NAV2: variants seen among roughly 807,000 people sequenced by gnomAD.
NAV2 encodes helicase, APC down-regulated 1.
NAV2 carries 54 observed loss-of-function variants against 223.2 expected under a neutral mutation model. The observed-to-expected ratio is 0.24, with a 90% CI of 0.19 to 0.30. NAV2 has a LOEUF of 0.30. Ranked by LOEUF, NAV2 falls within the 10% of genes least tolerant of loss-of-function variation. The pLI is 1.00. For missense variants in NAV2, 2,806 were observed against 3,147.5 expected, an observed-to-expected ratio of 0.89 and a Z score of 2.60; for synonymous variants, 1,279 against 1,239.3, an observed-to-expected ratio of 1.03 and a Z score of -0.67.
At chr11:19,791,976 C>T (rs2057555127) in intron 1 of NAV2, among the ~76,000 whole-genome samples, 2 of 152,170 alleles carry the variant, frequency 1.3e-5, no homozygotes, top group African/African-American at 4.8e-5. Context: ...CAGTTTCTTC[C>T]ACCATCTCTG....
chr11:19,790,419 G>A (rs2057440037), intron 1 of NAV2, among the ~76,000 whole-genome samples: 1 of 152,170 alleles, frequency 6.6e-6, no homozygotes, highest in Non-Finnish European at 1.5e-5. Flanking sequence ...CAACACAGTT[G>A]TCTCTTATTA....
chr11:19,923,127 C>T (rs1463125397), intron 6 of NAV2, among the ~76,000 whole-genome samples: 1 of 152,154 alleles, frequency 6.6e-6, no homozygotes, highest in Non-Finnish European at 1.5e-5. Context: ...AAGGGCTCAT[C>T]TTCTTCTCCC....
At chr11:19,353,458 A>C (rs1199789973) in intron 1 of NAV2, among the ~76,000 whole-genome samples, 1 of 152,210 alleles carries the variant, frequency 6.6e-6, no homozygotes, top group Non-Finnish European at 1.5e-5. Context: ...ATAGAACTAG[A>C]GACCTGGGTT....
chr11:19,673,837 C>T (rs192943323), intron 1 of NAV2, among the ~76,000 whole-genome samples: 18 of 152,278 alleles, frequency 1.2e-4, no homozygotes, highest in Admixed American at 9.8e-4. Flanking sequence ...TCCTTTCAGG[C>T]CAGGGTGAGC....
intron 1 of NAV2, among the ~76,000 whole-genome samples, chr11:19,463,395 G>A (rs1852234170): frequency 6.6e-6 from 1 of 152,244 alleles, no homozygotes; most frequent in African/African-American, 2.4e-5. Flanking sequence ...GCCTGTGTCA[G>A]ACATGGTTAA....
At chr11:19,943,546 A>T (rs1210324001) in intron 8 of NAV2, among the ~76,000 whole-genome samples, 1 of 152,160 alleles carries the variant, frequency 6.6e-6, no homozygotes, top group Non-Finnish European at 1.5e-5. Context: ...CCATGCCAAG[A>T]ACGACCTAAG....
chr11:19,870,901 T>C (rs1051613306), intron 4 of NAV2, among the ~76,000 whole-genome samples: 1 of 152,134 alleles, frequency 6.6e-6, no homozygotes, highest in African/African-American at 2.4e-5. Context: ...GTATGCCATA[T>C]AAAGGTAAAA....
At chr11:20,035,320 A>G (rs2056243746) in intron 11 of NAV2, among the ~76,000 whole-genome samples, 1 of 152,176 alleles carries the variant, frequency 6.6e-6, no homozygotes, top group East Asian at 1.9e-4. Flanking sequence ...AGAAAAAAGA[A>G]AGAAAGAACC....
chr11:19,813,403 T>C (rs1447876313), intron 1 of NAV2, among the ~76,000 whole-genome samples: 2 of 152,180 alleles, frequency 1.3e-5, no homozygotes, highest in Non-Finnish European at 2.9e-5. Flanking sequence ...AGTGGGGGAA[T>C]GATTCCCCAG....
upstream of NAV2, among the ~76,000 whole-genome samples, chr11:19,709,435 A>G (rs564023297): frequency 1.3e-4 from 20 of 150,080 alleles, no homozygotes; most frequent in Admixed American, 5.3e-4. Flanking sequence ...CCAGCTACTC[A>G]GGAGGCTGAG....
At chr11:19,463,438 T>C (rs1471405821) in intron 1 of NAV2, among the ~76,000 whole-genome samples, 1 of 152,238 alleles carries the variant, frequency 6.6e-6, no homozygotes, top group Non-Finnish European at 1.5e-5. Flanking sequence ...CTGAGCTCAA[T>C]GTGCAACTTT....
intron 10 of NAV2, among the ~76,000 whole-genome samples, chr11:19,968,895 CT>C (rs1378482522): frequency 6.6e-6 from 1 of 152,178 alleles, no homozygotes; most frequent in Admixed American, 6.5e-5. Flanking sequence ...TAGGGCACCC[CT>C]GCCACACCCT....
chr11:19,617,426 G>A (rs1001358217), intron 1 of NAV2, among the ~76,000 whole-genome samples: 1 of 152,116 alleles, frequency 6.6e-6, no homozygotes, highest in Non-Finnish European at 1.5e-5. Context: ...GCTATTAACT[G>A]TCTGGTAATG....
upstream of NAV2, among the ~76,000 whole-genome samples, chr11:19,348,701 T>A (rs1001149867): frequency 6.6e-6 from 1 of 152,228 alleles, no homozygotes; most frequent in Non-Finnish European, 1.5e-5. Flanking sequence ...GCAATTATCA[T>A]TTGATCACCT....
chr11:19,884,790 TG>T (rs1565492314), intron 5 of NAV2, among the ~76,000 whole-genome samples: 1 of 152,028 alleles, frequency 6.6e-6, no homozygotes, highest in Non-Finnish European at 1.5e-5. Flanking sequence ...GTGTTGTTGT[TG>T]TTGTTGTTGT....
At chr11:20,093,582 G>A (rs1286069854) in intron 29 of NAV2, among the ~76,000 whole-genome samples, 8 of 152,114 alleles carry the variant, frequency 5.3e-5, no homozygotes, top group Admixed American at 1.3e-4. Context: ...ACATGCAGCC[G>A]ACCAAGAGCA....
At chr11:20,056,134 C>T (rs977994328) in intron 19 of NAV2, among the ~76,000 whole-genome samples, 177 bp downstream of exon 19, 1 of 152,202 alleles carries the variant, frequency 6.6e-6, no homozygotes, top group African/African-American at 2.4e-5. Flanking sequence ...AGAGTAAGGT[C>T]TGGCCTGACC....
chr11:19,524,961 G>A (rs543651192), intron 1 of NAV2, among the ~76,000 whole-genome samples: 2 of 152,332 alleles, frequency 1.3e-5, no homozygotes, highest in East Asian at 3.9e-4. Context: ...TAGCAAGTTT[G>A]GAGATGTGGG....
At position 20,036,110 on chromosome 11, in the gene NAV2, G is replaced by C; in HGVS notation, c.2907+13G>C. 1 of 1,614,150 alleles carries C rather than the reference G, an allele frequency of 6.2e-7. No individual in the cohort carries two copies. The highest frequency in any genetic ancestry group is 8.5e-7 in the Non-Finnish European group (1 of 1,180,020). On this transcript the variant is annotated intron_variant, in intron 12 of 37. Coordinates refer to ENST00000349880, the MANE Select transcript of NAV2 (RefSeq NM_145117.5). ...CCTGGATGTGCAGGTGAGGAACACA[G>C]GCCCTCCCAGGCTCCTCCAGCAGCC... is the stretch of plus-strand genomic sequence containing the variant.
Sources: gnomAD v4.1 joint callset for allele counts (sites outside exome capture counted in the v4.1 genomes callset) on GRCh38, gnomAD v4.1.1 for gene constraint, MANE v1.5 for transcripts, NCBI Gene and HGNC (gene_info 2026-07-23, HGNC 2026-07-21) for gene names.